ASB3: variants seen among roughly 807,000 people sequenced by gnomAD.
The protein encoded by ASB3 is ankyrin repeat and SOCS box protein 3.
In ASB3, 41 loss-of-function variants were observed where a neutral mutation model predicts 54.5. The ratio of observed to expected loss-of-function variants is 0.75; its 90% CI spans 0.59 to 0.98. ASB3 has a LOEUF of 0.98. Ranked by LOEUF, ASB3 falls within the 50% of genes least tolerant of loss-of-function variation. The pLI is 0.00. For missense variants in ASB3, 733 were observed against 620.0 expected (o/e 1.18, Z -1.94); for synonymous variants, 266 against 221.2 (o/e 1.20, Z -1.80).
At chr2:53,675,384 AT>A (rs1247385856) in intron 9 of ASB3, among the ~76,000 whole-genome samples, 1 of 152,230 alleles carries the variant, frequency 6.6e-6, no homozygotes, top group Non-Finnish European at 1.5e-5. Flanking sequence ...ACTTTAAATA[AT>A]TTCATTTTTA....
chr2:53,772,425 T>C lies in ASB3; in HGVS notation c.-13-6840A>G, dbSNP rs376342898. Among the ~76,000 whole-genome samples the C allele has an allele frequency of 3.1e-3, 474 of 152,236 alleles. 1 individual carries two copies. Among genetic ancestry groups the C allele is most frequent in the Middle Eastern group, 0.031 (9 of 294 alleles). The stretch of plus-strand genomic sequence containing the variant: ...TCCCGACCTCGTGATCCGCCCGCCT[T>C]GGCCTCCCAAAGTGCTGGGATTACA... On this transcript the variant is annotated intron_variant, in intron 1 of 9. Transcript: ENST00000263634.
intron 7 of ASB3, among the ~76,000 whole-genome samples, chr2:53,711,989 C>A (rs929082271): frequency 1.2e-4 from 18 of 152,016 alleles, no homozygotes; most frequent in African/African-American, 4.1e-4. Flanking sequence ...CTTAGCATCA[C>A]TGAAGTTTAC....
At position 53,723,555 on chromosome 2, in the gene ASB3, C is replaced by T. The variant is rs146390391; in HGVS notation, c.604+5157G>A. On this transcript the variant is annotated intron_variant, in intron 5 of 9. Coordinates refer to ENST00000263634, the MANE Select transcript of ASB3 (RefSeq NM_016115.5). The stretch of plus-strand genomic sequence containing the variant: ...TGCTATTCCTATCAAACTACCGACA[C>T]CATTTTTTACAGAATTAGAAAAAAA... Among the ~76,000 whole-genome samples the T allele has an allele frequency of 7.9e-3, 1,199 of 152,152 alleles. 10 individuals are homozygous for T. Among genetic ancestry groups the T allele is most frequent in the Non-Finnish European group, 0.012 (840 of 67,990 alleles).
chr2:53,775,498 G>A (rs918602015), intron 1 of ASB3, among the ~76,000 whole-genome samples: 1 of 152,092 alleles, frequency 6.6e-6, no homozygotes, highest in Admixed American at 6.5e-5. Flanking sequence ...TTTTTGAGAC[G>A]GAGTATCGCT....
At chr2:53,694,049 CA>C in intron 8 of ASB3, 35 bp from the exon 9 acceptor site, 1 of 1,605,318 alleles carries the variant, frequency 6.2e-7, no homozygotes, top group African/African-American at 1.3e-5. Flanking sequence ...ATATTAGAAA[CA>C]AAACATGCCA....
intron 5 of ASB3, among the ~76,000 whole-genome samples, chr2:53,719,131 G>C (rs1024822626): frequency 7.2e-5 from 11 of 152,112 alleles, no homozygotes; most frequent in African/African-American, 2.4e-4. Flanking sequence ...CACCATGTTG[G>C]CCAGGATGGT....
chr2:53,672,218 T>G (rs953006458), intron 9 of ASB3, among the ~76,000 whole-genome samples: 1 of 152,200 alleles, frequency 6.6e-6, no homozygotes, highest in African/African-American at 2.4e-5. Flanking sequence ...AAAACCTAAG[T>G]CTAAGCTGGG....
Position 53,737,601 on chromosome 2 carries a change from C to T in ASB3, c.356-8031G>A, listed in dbSNP as rs533851789. 2.6e-4 allele frequency among the ~76,000 whole-genome samples: 40 copies of T among 151,694 alleles called. No homozygotes were observed. The East Asian group carries it at 6.6e-3, about 25-fold the overall frequency. On this transcript the variant is annotated intron_variant, in intron 3 of 9. Transcript: ENST00000263634. ...GAACTCCTAAGACTTCTGGCTAAGT[C>T]AGAGTGATGAGACCATACTATTCCA... is the stretch of plus-strand genomic sequence containing the variant.
chr2:53,781,311 C>G (rs1674630991), intron 1 of ASB3, among the ~76,000 whole-genome samples: 1 of 151,494 alleles, frequency 6.6e-6, no homozygotes, highest in Non-Finnish European at 1.5e-5. Flanking sequence ...ACTGAGAAGG[C>G]TGAGGTGGGA....
chr2:53,703,285 A>G (rs907531467), intron 7 of ASB3, among the ~76,000 whole-genome samples: 2 of 152,230 alleles, frequency 1.3e-5, no homozygotes, highest in Admixed American at 6.5e-5. Flanking sequence ...TTTTAGCTCC[A>G]AAGGACAAAA....
chr2:53,689,188 A>C (rs867881961), intron 9 of ASB3, among the ~76,000 whole-genome samples: 2 of 152,170 alleles, frequency 1.3e-5, no homozygotes, highest in Middle Eastern at 3.2e-3. Context: ...AAAAAGAGAA[A>C]GTGATGGAGG....
Position 53,709,942 on chromosome 2 carries a change from T to G in ASB3, c.980+4442A>C, listed in dbSNP as rs541798987. On this transcript the variant is annotated intron_variant, in intron 7 of 9. Coordinates refer to ENST00000263634, the MANE Select transcript of ASB3 (RefSeq NM_016115.5). ...CCATGCCATGAGGATACTGCAGCCG[T>G]CCTGTGGGGAGGCTTTTATAGAGAG... Among the ~76,000 whole-genome samples the G allele has an allele frequency of 1.1e-3, 164 of 152,288 alleles. 1 individual carries two copies. The highest frequency in any genetic ancestry group is 3.6e-3 in the African/African-American group (151 of 41,560).
At chr2:53,717,050 C>G (rs1670437228) in intron 5 of ASB3, among the ~76,000 whole-genome samples, 1 of 152,094 alleles carries the variant, frequency 6.6e-6, no homozygotes, top group Admixed American at 6.5e-5. Flanking sequence ...GACCCTGTCT[C>G]TATCAAAAAT....
chr2:53,710,563 C>A (rs1670037390), intron 7 of ASB3, among the ~76,000 whole-genome samples: 1 of 152,174 alleles, frequency 6.6e-6, no homozygotes, highest in African/African-American at 2.4e-5. Context: ...TAGGTTGTCT[C>A]CTGGACATTG....
chr2:53,671,695 G>GAGCAATTAATTTCCC (rs1553367660), intron 9 of ASB3, among the ~76,000 whole-genome samples: 3 of 145,880 alleles, frequency 2.1e-5, no homozygotes, highest in Non-Finnish European at 3.0e-5. Flanking sequence ...GGAGGCGGAG[G>GAGCAATTAATTTCCC]TTGCAGTGAG....
chr2:53,781,826 T>C (rs549236916), intron 1 of ASB3, among the ~76,000 whole-genome samples: 1 of 152,320 alleles, frequency 6.6e-6, no homozygotes, highest in East Asian at 1.9e-4. Flanking sequence ...CAAAATAAAA[T>C]AGGACTTTTT....
chr2:53,694,746 G>C (rs1052399257), intron 8 of ASB3, among the ~76,000 whole-genome samples: 1 of 152,090 alleles, frequency 6.6e-6, no homozygotes, highest in African/African-American at 2.4e-5. Context: ...TTATAAACAG[G>C]TTGCCTGAAT....
At chr2:53,686,599 G>C (rs187260947) in intron 9 of ASB3, among the ~76,000 whole-genome samples, 11 of 152,228 alleles carry the variant, frequency 7.2e-5, no homozygotes, top group African/African-American at 2.6e-4. Flanking sequence ...AAATAAAGTA[G>C]TTATGTGGAA....
intron 9 of ASB3, among the ~76,000 whole-genome samples, chr2:53,682,084 C>T (rs761007325): frequency 8.7e-5 from 13 of 149,944 alleles, no homozygotes; most frequent in Middle Eastern, 3.5e-3. Context: ...TGCTTGAATC[C>T]GGGAGGCAGA....
Sources: allele counts gnomAD v4.1 joint callset (sites outside exome capture counted in the v4.1 genomes callset), GRCh38; gene constraint gnomAD v4.1.1; transcripts MANE v1.5; gene names NCBI Gene and HGNC (gene_info 2026-07-23, HGNC 2026-07-21).